Variants in PTPRK observed in about 807,000 individuals in gnomAD.
PTPRK encodes the protein protein tyrosine phosphatase receptor type K.
A neutral mutation model predicts 178.0 loss-of-function variants in PTPRK; 75 were observed. That is an observed-to-expected ratio of 0.42 (90% CI 0.35 to 0.51). The LOEUF (loss-of-function observed/expected upper bound fraction) is 0.51, where lower values mean the gene tolerates loss of function less well. Ranked by LOEUF, PTPRK falls within the 20% of genes least tolerant of loss-of-function variation. The pLI, the probability that PTPRK is intolerant of heterozygous loss-of-function variation, is 0.02. For synonymous variants in PTPRK, 637 were observed against 620.6 expected (o/e 1.03, Z -0.39); for missense variants, 1,441 against 1,797.8 (o/e 0.80, Z 3.59).
intron 2 of PTPRK, among the ~76,000 whole-genome samples, chr6:128,367,883 C>G (rs369085592): frequency 2.4e-4 from 37 of 152,116 alleles, no homozygotes; most frequent in African/African-American, 7.2e-4. Context: ...TTTGAGAGAG[C>G]CTTCGGGAAA....
intron 7 of PTPRK, among the ~76,000 whole-genome samples, chr6:128,115,713 T>C (rs190721889): frequency 9.9e-5 from 15 of 152,194 alleles, no homozygotes; most frequent in African/African-American, 2.6e-4. Flanking sequence ...AAGTAATATA[T>C]GATATACATT....
At chr6:128,346,736 AG>A (rs1186066758) in intron 2 of PTPRK, among the ~76,000 whole-genome samples, 1 of 152,096 alleles carries the variant, frequency 6.6e-6, no homozygotes, top group African/African-American at 2.4e-5. Context: ...CCTTTCTGGA[AG>A]AAAGCCCCTT....
At position 128,519,481 on chromosome 6, in the gene PTPRK, C is replaced by A. The variant is rs1389018325; in HGVS notation, c.100+778G>T. On this transcript the variant is annotated intron_variant, in intron 1 of 29. Transcript: ENST00000368226. This position sits in a 1 kb window ranked among gnomAD's most constrained non-coding sequence, Gnocchi z 4.3. ...TCCGGGGAGCGCGGGGCCAGAGCCC[C>A]AGGCCGGATCCGGGGAGCGCGGGGC... is the stretch of plus-strand genomic sequence containing the variant. 4.6e-5 allele frequency among the ~76,000 whole-genome samples: 7 copies of A among 152,340 alleles called. No individual in the cohort carries two copies. The East Asian group carries it at 1.4e-3, about 30-fold the overall frequency.
chr6:128,397,018 A>G (rs753836503), intron 2 of PTPRK, among the ~76,000 whole-genome samples: 44 of 152,044 alleles, frequency 2.9e-4, no homozygotes, highest in Non-Finnish European at 5.7e-4. Flanking sequence ...AACAACAACA[A>G]AAGAACAGAT....
intron 5 of PTPRK, among the ~76,000 whole-genome samples, chr6:128,226,373 T>C (rs777868287): frequency 1.2e-3 from 179 of 152,322 alleles, no homozygotes; most frequent in Admixed American, 3.9e-3. Flanking sequence ...TGTCAGTCTT[T>C]TGATGTGTGT....
chr6:128,110,728 G>A (rs780706674), intron 7 of PTPRK, among the ~76,000 whole-genome samples: 12 of 152,126 alleles, frequency 7.9e-5, no homozygotes, highest in Non-Finnish European at 1.5e-4. Flanking sequence ...ATCAAAAACA[G>A]TGAATATAAC....
intron 3 of PTPRK, among the ~76,000 whole-genome samples, chr6:128,294,446 A>T (rs1014458329): frequency 1.3e-5 from 2 of 151,992 alleles, no homozygotes; most frequent in Non-Finnish European, 2.9e-5. Flanking sequence ...CTGTTACTTG[A>T]ATTACCAAGC....
At chr6:128,312,893 T>A (rs1456846615) in intron 3 of PTPRK, among the ~76,000 whole-genome samples, 1 of 152,118 alleles carries the variant, frequency 6.6e-6, no homozygotes, top group Non-Finnish European at 1.5e-5. Flanking sequence ...TTCAGCCTCA[T>A]CCAATCAATT....
chr6:128,440,756 TC>T (rs1489894752), intron 1 of PTPRK, among the ~76,000 whole-genome samples: 2 of 152,212 alleles, frequency 1.3e-5, no homozygotes, highest in Non-Finnish European at 2.9e-5. Flanking sequence ...AAGAACTGCC[TC>T]ATTATTTTAA....
chr6:128,017,696 ACTCT>A (rs886830908), intron 13 of PTPRK, among the ~76,000 whole-genome samples: 1 of 137,474 alleles, frequency 7.3e-6, no homozygotes, highest in African/African-American at 2.7e-5. Context: ...GCTCGCTCTC[ACTCT>A]CTCTCTCTCT....
chr6:128,481,524 A>T (rs959744019), intron 1 of PTPRK, among the ~76,000 whole-genome samples: 1 of 152,038 alleles, frequency 6.6e-6, no homozygotes, highest in Non-Finnish European at 1.5e-5. Flanking sequence ...TCCTACCATA[A>T]TGATGTCTGT....
chr6:128,049,926 C>A (rs200563075), intron 13 of PTPRK, among the ~76,000 whole-genome samples: 2 of 152,240 alleles, frequency 1.3e-5, no homozygotes, highest in East Asian at 3.9e-4. Context: ...CACCTGAGGT[C>A]GGGAGTTCAA....
intron 2 of PTPRK, among the ~76,000 whole-genome samples, chr6:128,356,706 C>T (rs1834010854): frequency 6.6e-6 from 1 of 152,126 alleles, no homozygotes; most frequent in South Asian, 2.1e-4. Context: ...TAATTTTTCA[C>T]ACCCCATGGC....
At chr6:128,044,741 A>C (rs1009242963) in intron 13 of PTPRK, among the ~76,000 whole-genome samples, 9 of 151,964 alleles carry the variant, frequency 5.9e-5, no homozygotes, top group Admixed American at 3.3e-4. Flanking sequence ...CAGGAAACTC[A>C]CTCAAAATCA....
At chr6:128,371,980 G>A (rs1341197534) in intron 2 of PTPRK, among the ~76,000 whole-genome samples, 1 of 151,938 alleles carries the variant, frequency 6.6e-6, no homozygotes, top group Non-Finnish European at 1.5e-5. Flanking sequence ...AAATTCAATG[G>A]CATTTTAGTA....
At position 128,400,508 on chromosome 6, in the gene PTPRK, T is replaced by A. The variant is rs1327077069; in HGVS notation, c.101-2820A>T. Reference sequence around the variant, plus strand: ...TGTTCTACAGCTGTATTAAAATCTTTAAAAGATTTTATCCAAGAGTATGAG... The same window carrying A: ...TGTTCTACAGCTGTATTAAAATCTTAAAAAGATTTTATCCAAGAGTATGAG... On this transcript the variant is annotated intron_variant, in intron 1 of 29. Transcript: ENST00000368226. Among the ~76,000 whole-genome samples the A allele has an allele frequency of 2.6e-5, 4 of 152,224 alleles. No homozygotes were observed. The East Asian group carries it at 7.7e-4, about 29-fold the overall frequency.
At chr6:128,293,940 C>T (rs72967039) in intron 3 of PTPRK, among the ~76,000 whole-genome samples, 10,112 of 152,090 alleles carry the variant, frequency 0.066, 376 homozygotes, top group Non-Finnish European at 0.07. Context: ...CAGACAGTAA[C>T]GCATATGACA....
intron 1 of PTPRK, among the ~76,000 whole-genome samples, chr6:128,446,793 A>G (rs1847089840): frequency 1.3e-5 from 2 of 152,216 alleles, no homozygotes; most frequent in Non-Finnish European, 2.9e-5. Flanking sequence ...CAGCTTGCAA[A>G]TAAAACTAAG....
rs746011952 is a variant in PTPRK, at chr6:128,009,241, A to G, written c.2222T>C (p.Ile741Thr). ...KAAATEEPEV[I>T]PDPAKQTDRV... ...GTCTGTCTGCTTGGCGGGATCTGGGATCACTTCTGGTTCTTCTGTTGCTGC... is the reference window on the plus strand; with the variant it reads ...GTCTGTCTGCTTGGCGGGATCTGGGGTCACTTCTGGTTCTTCTGTTGCTGC... Residue 741 changes from isoleucine (I) to threonine (T), a missense_variant, in exon 14 of 30, where the codon ATC becomes ACC. Ile to Thr is a moderately conservative substitution (Grantham distance 89). Around this residue, in one of 4 missense-constraint regions of PTPRK, gnomAD observed 945 missense variants for 1,080.6 expected, o/e 0.87. Transcript: ENST00000368226. 1 of 1,608,904 alleles carries G rather than the reference A, an allele frequency of 6.2e-7. No homozygotes were observed. Among genetic ancestry groups the G allele is most frequent in the Non-Finnish European group, 8.5e-7 (1 of 1,176,798 alleles).
Sources: gnomAD v4.1 joint callset for allele counts (sites outside exome capture counted in the v4.1 genomes callset) on GRCh38, gnomAD v4.1.1 for gene constraint, gnomAD v4.1.1 regional missense constraint, Gnocchi (gnomAD v3.1) non-coding constraint, MANE v1.5 for transcripts, NCBI Gene and HGNC (gene_info 2026-07-23, HGNC 2026-07-21) for gene names.